Variants in ADAMTSL3 observed in about 807,000 individuals in gnomAD.
The protein encoded by ADAMTSL3 is ADAMTS-like protein 3.
Under a neutral mutation model 201.7 loss-of-function variants are expected in ADAMTSL3, and 128 were observed. That is an observed-to-expected ratio of 0.63 (90% CI 0.55 to 0.73). The LOEUF (loss-of-function observed/expected upper bound fraction) is 0.73, where lower values mean the gene tolerates loss of function less well. ADAMTSL3 is among the 30% of genes least tolerant of loss of function. ADAMTSL3 has a pLI of 0.00. For synonymous variants in ADAMTSL3, 738 were observed against 748.4 expected, an observed-to-expected ratio of 0.99 and a Z score of 0.23; for missense variants, 1,990 against 2,119.6, an observed-to-expected ratio of 0.94 and a Z score of 1.20.
intron 3 of ADAMTSL3, among the ~76,000 whole-genome samples, chr15:83,727,752 AT>A (rs920885797): frequency 8.8e-4 from 133 of 151,524 alleles, no homozygotes; most frequent in African/African-American, 3.0e-3. Flanking sequence ...TTCAATTTAA[AT>A]TTTTTTTTAA....
chr15:83,901,681 A>G (rs2065726516), intron 15 of ADAMTSL3, among the ~76,000 whole-genome samples: 1 of 152,214 alleles, frequency 6.6e-6, no homozygotes, highest in African/African-American at 2.4e-5. Context: ...TAAATTAAAA[A>G]GATATGGTTT....
chr15:83,913,543 T>C (rs2065973971), intron 16 of ADAMTSL3, among the ~76,000 whole-genome samples, 165 bp downstream of exon 16: 2 of 152,086 alleles, frequency 1.3e-5, no homozygotes, highest in Admixed American at 6.5e-5. Flanking sequence ...TTTCTTTTTT[T>C]TTTGTAGTGA....
intron 6 of ADAMTSL3, among the ~76,000 whole-genome samples, chr15:83,822,399 G>A (rs1269642050): frequency 2.7e-5 from 4 of 150,050 alleles, no homozygotes; most frequent in African/African-American, 4.9e-5. Context: ...CTTCTCAGAC[G>A]GGGCGGTTGC....
chr15:83,884,648 T>C (rs1206239798), intron 9 of ADAMTSL3, among the ~76,000 whole-genome samples: 2 of 152,142 alleles, frequency 1.3e-5, no homozygotes, highest in Non-Finnish European at 2.9e-5. Context: ...GTTCTTGCAG[T>C]TGTGCTTCTA....
At chr15:83,718,068 AAGT>A (rs1252845764) in intron 3 of ADAMTSL3, among the ~76,000 whole-genome samples, 1 of 152,214 alleles carries the variant, frequency 6.6e-6, no homozygotes, top group African/African-American at 2.4e-5. Flanking sequence ...ATTGAATTGT[AAGT>A]ATCTGTAAAA....
chr15:83,938,957 GATGCGCTAATTCAA>G (rs879893487), intron 17 of ADAMTSL3, among the ~76,000 whole-genome samples: 32 of 152,070 alleles, frequency 2.1e-4, no homozygotes, highest in Non-Finnish European at 4.1e-4. Context: ...TGCTTTTTTG[GATGCGCTAATTCAA>G]ATTAAAAATG....
At chr15:84,034,606 A>G (rs2068470701) in intron 28 of ADAMTSL3, among the ~76,000 whole-genome samples, 1 of 152,168 alleles carries the variant, frequency 6.6e-6, no homozygotes, top group Non-Finnish European at 1.5e-5. Context: ...AGAATCACCT[A>G]GGAAATTTCT....
At chr15:83,994,582 TTTCG>T (rs2067644604) in intron 23 of ADAMTSL3, among the ~76,000 whole-genome samples, 1 of 134,610 alleles carries the variant, frequency 7.4e-6, no homozygotes, top group African/African-American at 2.8e-5. Context: ...TTTTTTGTTT[TTTCG>T]TTTTTTTTTT....
intron 2 of ADAMTSL3, among the ~76,000 whole-genome samples, chr15:83,681,947 C>A (rs565343369): frequency 1.7e-4 from 26 of 152,128 alleles, no homozygotes; most frequent in Non-Finnish European, 2.9e-4. Context: ...TTTATTTGAT[C>A]CTACCTGTAC....
At chr15:83,789,966 T>C (rs1286363365) in intron 4 of ADAMTSL3, among the ~76,000 whole-genome samples, 1 of 152,088 alleles carries the variant, frequency 6.6e-6, no homozygotes, top group Non-Finnish European at 1.5e-5. Flanking sequence ...GAGTTGCTTC[T>C]AGGAATTCCC....
intron 4 of ADAMTSL3, among the ~76,000 whole-genome samples, chr15:83,785,339 A>G (rs1209945339): frequency 6.6e-6 from 1 of 152,200 alleles, no homozygotes; most frequent in African/African-American, 2.4e-5. Context: ...TCTGAAAATG[A>G]CTTTTTCTTG....
chr15:83,874,147 C>T (rs1369641727), intron 9 of ADAMTSL3, among the ~76,000 whole-genome samples: 2 of 142,940 alleles, frequency 1.4e-5, no homozygotes, highest in Non-Finnish European at 3.0e-5. Flanking sequence ...AAAGCCTTCT[C>T]CCTCTCCTGG....
At chr15:83,900,864 G>A (rs184366384) in intron 15 of ADAMTSL3, among the ~76,000 whole-genome samples, 2 of 152,236 alleles carry the variant, frequency 1.3e-5, no homozygotes, top group African/African-American at 4.8e-5. Context: ...CATGGATCCC[G>A]AGAGCTTTGT....
At chr15:83,762,622 C>T (rs977229526) in intron 3 of ADAMTSL3, among the ~76,000 whole-genome samples, 10 of 152,090 alleles carry the variant, frequency 6.6e-5, no homozygotes, top group Admixed American at 5.9e-4. Flanking sequence ...CTCTCAAGCT[C>T]CTTATAAGGG....
chr15:83,881,333 C>T (rs1486336733), intron 9 of ADAMTSL3, among the ~76,000 whole-genome samples: 1 of 152,188 alleles, frequency 6.6e-6, no homozygotes, highest in African/African-American at 2.4e-5. Context: ...CCTTGGAAGG[C>T]CTTGAGCTCT....
chr15:83,727,298 C>T (rs1157836970), intron 3 of ADAMTSL3, among the ~76,000 whole-genome samples: 1 of 151,524 alleles, frequency 6.6e-6, no homozygotes, highest in Non-Finnish European at 1.5e-5. Flanking sequence ...CTTAGTCTGG[C>T]TAAGGGTTTG....
At chr15:84,027,953 A>T (rs2068340526) in intron 27 of ADAMTSL3, among the ~76,000 whole-genome samples, 1 of 152,200 alleles carries the variant, frequency 6.6e-6, no homozygotes, top group Non-Finnish European at 1.5e-5. Context: ...ATAGAGCTAA[A>T]CCTTGAAAAC....
chr15:83,958,258 A>G (rs929208008), intron 19 of ADAMTSL3, among the ~76,000 whole-genome samples: 5 of 152,180 alleles, frequency 3.3e-5, no homozygotes, highest in African/African-American at 1.2e-4. Flanking sequence ...TTGAGGAAGG[A>G]CTCCAGAGTG....
At position 83,843,415 on chromosome 15, in the gene ADAMTSL3, C is replaced by A. The variant is rs147045065; in HGVS notation, c.727+5200C>A. On this transcript the variant is annotated intron_variant, in intron 7 of 29. Coordinates refer to ENST00000286744, the MANE Select transcript of ADAMTSL3 (RefSeq NM_207517.3). ...GCTAAGGCTAAAGGTAGCAAAGATT[C>A]CTGCCTGCGTGAAAACACAGTCCTT... is the stretch of plus-strand genomic sequence containing the variant. 1.4e-3 allele frequency among the ~76,000 whole-genome samples: 218 copies of A among 152,260 alleles called. 6 individuals are homozygous for A. In the East Asian group the frequency reaches 0.038, roughly 26 times the overall value.
Sources: allele counts gnomAD v4.1 joint callset (sites outside exome capture counted in the v4.1 genomes callset), GRCh38; gene constraint gnomAD v4.1.1; transcripts MANE v1.5; gene names NCBI Gene and HGNC (gene_info 2026-07-23, HGNC 2026-07-21).